The following TMEM143 variants were observed in gnomAD, a reference collection of about 807,000 sequenced individuals.
TMEM143 encodes the protein transmembrane protein 143.
TMEM143 carries 45 observed loss-of-function variants against 40.3 expected under a neutral mutation model. The observed-to-expected ratio is 1.12, with a 90% CI of 0.88 to 1.43. TMEM143 has a LOEUF of 1.43. Ranked by LOEUF, TMEM143 falls within the 40% of genes most tolerant of loss-of-function variation. TMEM143 has a pLI of 0.00. For missense variants in TMEM143, 620 were observed against 613.4 expected (o/e 1.01, Z -0.11); for synonymous variants, 299 against 282.7 (o/e 1.06, Z -0.58).
rs1455678965 is a variant in TMEM143 at position 48,333,126 on chromosome 19, G to A, written c.*93C>T. The A allele has an allele frequency of 2.0e-6, 2 of 1,019,400 alleles. No homozygotes were observed. Among genetic ancestry groups the A allele is most frequent in the Non-Finnish European group, 2.7e-6 (2 of 750,188 alleles). The allele number at this position is 1,019,400 out of a possible 1,614,324, so 63.1% of individuals were successfully genotyped here. ...CACCTGTCAGTTATTGGAAGTTGGA[G>A]TGAAAAGTATAATAACCGTAATTGA... On this transcript the variant is annotated 3_prime_UTR_variant, in exon 8 of 8. Coordinates refer to ENST00000293261, the MANE Select transcript of TMEM143 (RefSeq NM_018273.4). The surrounding 1 kb of genome is among the most constrained non-coding windows in gnomAD (Gnocchi z 4.1).
At chr19:48,354,676 C>A (rs1016521830) in intron 3 of TMEM143, among the ~76,000 whole-genome samples, 2 of 152,184 alleles carry the variant, frequency 1.3e-5, no homozygotes, top group Non-Finnish European at 2.9e-5. Flanking sequence ...ATTCCAGAGA[C>A]ACAGTAGGTG....
At position 48,360,192 on chromosome 19, in the gene TMEM143, G is replaced by A; in HGVS notation, c.265-16C>T. 1 of 1,612,276 alleles carries A rather than the reference G, an allele frequency of 6.2e-7. No individual in the cohort carries two copies. Among genetic ancestry groups the A allele is most frequent in the South Asian group, 1.1e-5 (1 of 90,994 alleles). On this transcript the variant is annotated splice_polypyrimidine_tract_variant and intron_variant, in intron 2 of 7. Coordinates refer to ENST00000293261, the MANE Select transcript of TMEM143 (RefSeq NM_018273.4). The stretch of plus-strand genomic sequence containing the variant: ...AGTGGAATTCCTGTTACCTCAGGAA[G>A]CAAAACTTCTCTGTAGGCCTTTTCC...
chr19:48,342,427 G>T, intron 6 of TMEM143, 103 bp downstream of exon 6: 1 of 1,378,756 alleles, frequency 7.3e-7, no homozygotes, highest in South Asian at 1.4e-5. Context: ...GGAGGGAGGA[G>T]AGCATGACGC....
intron 4 of TMEM143, 104 bp downstream of exon 4, chr19:48,345,056 G>T: frequency 7.7e-7 from 1 of 1,292,224 alleles, no homozygotes; most frequent in Non-Finnish European, 1.1e-6. Context: ...ATGGGCCACA[G>T]TCCCAGGCTC....
At chr19:48,354,160 T>C (rs1432338799) in intron 3 of TMEM143, among the ~76,000 whole-genome samples, 1 of 151,632 alleles carries the variant, frequency 6.6e-6, no homozygotes, top group Non-Finnish European at 1.5e-5. Flanking sequence ...GGTTTCACCA[T>C]GTTGGCCAGA....
intron 3 of TMEM143, among the ~76,000 whole-genome samples, chr19:48,350,225 C>T (rs1969733106): frequency 6.6e-6 from 1 of 151,434 alleles, no homozygotes; most frequent in African/African-American, 2.4e-5. Context: ...GTTGGCCAGG[C>T]TGGTCTCGAA....
Position 48,333,943 on chromosome 19 carries a change from C to G in TMEM143, c.1165+65G>C, listed in dbSNP as rs1023471581. The G allele has an allele frequency of 3.7e-5, 53 of 1,444,786 alleles. No homozygotes were observed. In the African/African-American group the frequency reaches 7.6e-4, roughly 21 times the overall value. The allele number at this position is 1,444,786 out of a possible 1,614,324, so 89.5% of individuals were successfully genotyped here. A position where few individuals can be genotyped will look rare whatever the true frequency, so the allele number is the denominator to read the frequency against. On this transcript the variant is annotated intron_variant, in intron 7 of 7. Coordinates refer to ENST00000293261, the MANE Select transcript of TMEM143 (RefSeq NM_018273.4). This position sits in a 1 kb window ranked among gnomAD's most constrained non-coding sequence, Gnocchi z 4.1. ...GTGGGAACTGGGGGTGGGGACGCAT[C>G]TCGCTGGGGCGGGGCCTCGCGGGGG... is the stretch of plus-strand genomic sequence containing the variant.
chr19:48,356,309 G>A (rs1049072393), intron 3 of TMEM143, among the ~76,000 whole-genome samples: 2 of 151,512 alleles, frequency 1.3e-5, no homozygotes, highest in African/African-American at 4.8e-5. Flanking sequence ...TGTACTTTTA[G>A]TAGAGACAGG....
At chr19:48,353,519 C>T (rs1969820842) in intron 3 of TMEM143, among the ~76,000 whole-genome samples, 4 of 151,770 alleles carry the variant, frequency 2.6e-5, no homozygotes, top group Admixed American at 2.6e-4. Flanking sequence ...AACTACATCC[C>T]ATGCAATATT....
At chr19:48,361,320 A>G (rs1970035724) in intron 2 of TMEM143, among the ~76,000 whole-genome samples, 1 of 151,132 alleles carries the variant, frequency 6.6e-6, no homozygotes, top group Non-Finnish European at 1.5e-5. Flanking sequence ...TCCACGGTTC[A>G]AGCAATTCTG....
rs372908272 is a variant in TMEM143 at position 48,342,511 on chromosome 19, G to A, written c.975+19C>T. ...CCCACAGCGCAGGGCCGCAGGAGGC[G>A]TGGCAGGCGCATGCTCACCTTGGAG... On this transcript the variant is annotated intron_variant, in intron 6 of 7. Transcript: ENST00000293261. 128 of 1,588,366 alleles carry A rather than the reference G, an allele frequency of 8.1e-5. No homozygotes were observed. The highest frequency in any genetic ancestry group is 1.0e-4 in the Non-Finnish European group (121 of 1,170,014).
At position 48,354,883 on chromosome 19, in the gene TMEM143, G is replaced by A. The variant is rs1028204158; in HGVS notation, c.369+5189C>T. Among the ~76,000 whole-genome samples the A allele has an allele frequency of 3.3e-5, 5 of 152,066 alleles. No homozygotes were observed. In the East Asian group the frequency reaches 5.8e-4, roughly 18 times the overall value. On this transcript the variant is annotated intron_variant, in intron 3 of 7. Transcript: ENST00000293261. ...AGTCATCAGCAAATGGTCACCCAGC[G>A]GGCCTCACCCGCCTCTGCCACTTCT...
At chr19:48,343,133 C>T (rs886369411) in intron 5 of TMEM143, 188 bp downstream of exon 5, 2 of 799,770 alleles carry the variant, frequency 2.5e-6, no homozygotes, top group Non-Finnish European at 3.8e-6. Flanking sequence ...TTTCTCTTCC[C>T]CTGGGAATCA....
chr19:48,334,038 G>T lies in TMEM143; in HGVS notation c.1135C>A (p.Arg379=). 2 of 1,567,194 alleles carry T rather than the reference G, an allele frequency of 1.3e-6. No individual in the cohort carries two copies. The highest frequency in any genetic ancestry group is 8.6e-7 in the Non-Finnish European group (1 of 1,159,022). Residue 379 remains arginine (R), a synonymous_variant, in exon 7 of 8, where the codon CGG becomes AGG. Coordinates refer to ENST00000293261, the MANE Select transcript of TMEM143 (RefSeq NM_018273.4). ...ALLAHSFLAR[R]PGGTQGSPEE... is the part of the protein sequence containing the mutation. ...GGCGAGCCTTGAGTGCCCCCTGGCCGCCGGGCCAGGAAGCTGTGAGCCAGC... is the reference window on the plus strand; with the variant it reads ...GGCGAGCCTTGAGTGCCCCCTGGCCTCCGGGCCAGGAAGCTGTGAGCCAGC...
intron 3 of TMEM143, among the ~76,000 whole-genome samples, chr19:48,346,780 G>A (rs1198644667): frequency 6.6e-6 from 1 of 152,046 alleles, no homozygotes; most frequent in Non-Finnish European, 1.5e-5. Flanking sequence ...GTTTCACCAT[G>A]TTGGCCAGGC....
rs748816209 is a variant in TMEM143 at position 48,333,445 on chromosome 19, G to A, written c.1166-12C>T. ...CCACCTGGAGGTCTCTGCAAGGGGA[G>A]AGGCAGGTGTTCTGAGGTCACACTG... is the stretch of plus-strand genomic sequence containing the variant. On this transcript the variant is annotated splice_polypyrimidine_tract_variant and intron_variant, in intron 7 of 7. Coordinates refer to ENST00000293261, the MANE Select transcript of TMEM143 (RefSeq NM_018273.4). The surrounding 1 kb of genome is among the most constrained non-coding windows in gnomAD (Gnocchi z 4.1). 16 of 1,558,312 alleles carry A rather than the reference G, an allele frequency of 1.0e-5. No individual in the cohort carries two copies. In the South Asian group the frequency reaches 1.3e-4, roughly 12 times the overall value.
At chr19:48,338,518 A>G (rs1371258749) in intron 6 of TMEM143, among the ~76,000 whole-genome samples, 1 of 152,230 alleles carries the variant, frequency 6.6e-6, no homozygotes, top group Non-Finnish European at 1.5e-5. Context: ...AGGCCCAGGC[A>G]CAAGCCAAAC....
chr19:48,334,200 G>A lies in TMEM143; in HGVS notation c.976-3C>T, dbSNP rs368668787. The A allele has an allele frequency of 2.5e-6, 4 of 1,594,976 alleles. No individual in the cohort carries two copies. The highest frequency in any genetic ancestry group is 2.6e-6 in the Non-Finnish European group (3 of 1,171,742). ...GCGCTGCGCCGCTGCCCGAACATCT[G>A]CAGGCGGGACAGCGCCCCGTGGGCT... On this transcript the variant is annotated splice_region_variant and splice_polypyrimidine_tract_variant and intron_variant, in intron 6 of 7. Transcript: ENST00000293261.
chr19:48,342,466 A>C, intron 6 of TMEM143, 64 bp downstream of exon 6: 1 of 1,511,204 alleles, frequency 6.6e-7, no homozygotes, highest in South Asian at 1.2e-5. Context: ...AGAGACAACT[A>C]CAGGGGGCCT....
Sources: gnomAD v4.1 joint callset for allele counts (sites outside exome capture counted in the v4.1 genomes callset) on GRCh38, gnomAD v4.1.1 for gene constraint, Gnocchi (gnomAD v3.1) non-coding constraint, MANE v1.5 for transcripts, NCBI Gene and HGNC (gene_info 2026-07-23, HGNC 2026-07-21) for gene names.